IQCM: variants seen among roughly 807,000 people sequenced by gnomAD.
The protein encoded by IQCM is IQ domain-containing protein M.
In IQCM, 45 loss-of-function variants were observed where a neutral mutation model predicts 57.6. The observed-to-expected ratio is 0.78, with a 90% CI of 0.62 to 1.00. IQCM has a LOEUF of 1.00. Among genes scored for constraint, IQCM ranks in the 50% least tolerant of loss-of-function variants. The probability of loss-of-function intolerance (pLI) is 0.00; values close to 1 mark genes in which losing one functional copy is unlikely to be tolerated. For synonymous variants in IQCM, 148 were observed against 158.9 expected, an observed-to-expected ratio of 0.93 and a Z score of 0.51; for missense variants, 468 against 511.6, an observed-to-expected ratio of 0.91 and a Z score of 0.82.
chr4:149,426,965 C>T (rs368861864), intron 13 of IQCM, among the ~76,000 whole-genome samples: 1 of 151,940 alleles, frequency 6.6e-6, no homozygotes, highest in Non-Finnish European at 1.5e-5. Context: ...GCCTGCTTTG[C>T]TCAGAGACCA....
intron 12 of IQCM, among the ~76,000 whole-genome samples, chr4:149,435,954 G>C (rs1735324644): frequency 6.6e-6 from 1 of 152,030 alleles, no homozygotes; most frequent in African/African-American, 2.4e-5. Context: ...AGTTTATAAG[G>C]TAAAATATAA....
At chr4:149,813,056 T>A (rs1228569770) in intron 2 of IQCM, among the ~76,000 whole-genome samples, 2 of 152,170 alleles carry the variant, frequency 1.3e-5, no homozygotes, top group Non-Finnish European at 2.9e-5. Context: ...ACATTTTGTC[T>A]TAATATTCAA....
Position 149,502,151 on chromosome 4 carries a change from TAC to T in IQCM, c.1228+46302_1228+46303del, listed in dbSNP as rs1553983015. ...ATAATTTTTTATAATTATATATATA[TAC>T]ACACACACACACACACACATATATA... On this transcript the variant is annotated intron_variant, in intron 12 of 13. Transcript: ENST00000636793. 5.0e-4 allele frequency among the ~76,000 whole-genome samples: 74 copies of T among 149,460 alleles called. No homozygotes were observed. In the East Asian group the frequency reaches 5.7e-3, roughly 11 times the overall value.
intron 12 of IQCM, among the ~76,000 whole-genome samples, chr4:149,502,957 T>G (rs1475714189): frequency 2.0e-5 from 3 of 151,854 alleles, no homozygotes; most frequent in Non-Finnish European, 2.9e-5. Flanking sequence ...CCGGGCACGG[T>G]GGCTCATGCC....
chr4:149,364,196 G>A (rs1460330102), intron 13 of IQCM, among the ~76,000 whole-genome samples: 3 of 152,120 alleles, frequency 2.0e-5, no homozygotes, highest in Non-Finnish European at 4.4e-5. Flanking sequence ...CCTCACACTG[G>A]AGGAATAGAA....
chr4:149,429,474 AAT>A (rs1734674875), intron 13 of IQCM, among the ~76,000 whole-genome samples: 2 of 151,896 alleles, frequency 1.3e-5, no homozygotes, highest in Non-Finnish European at 2.9e-5. Context: ...TACTCTAGGA[AAT>A]ATGGGATATA....
At chr4:149,612,047 G>A (rs1489230729) in intron 8 of IQCM, among the ~76,000 whole-genome samples, 1 of 151,816 alleles carries the variant, frequency 6.6e-6, no homozygotes, top group Non-Finnish European at 1.5e-5. Flanking sequence ...TACAATCATG[G>A]TGGAAGGTGA....
chr4:149,449,172 C>T (rs1382593009), intron 12 of IQCM, among the ~76,000 whole-genome samples: 2 of 128,816 alleles, frequency 1.6e-5, no homozygotes, highest in African/African-American at 2.8e-5. Flanking sequence ...CCAACTGTTC[C>T]CCCCCAACCC....
chr4:149,368,655 T>C (rs1365914149), intron 13 of IQCM, among the ~76,000 whole-genome samples: 5 of 150,084 alleles, frequency 3.3e-5, no homozygotes, highest in Admixed American at 6.7e-5. Context: ...CTCATCATAT[T>C]TCTTTTTTTG....
chr4:149,517,609 T>C (rs1014231224), intron 12 of IQCM, among the ~76,000 whole-genome samples: 8 of 152,150 alleles, frequency 5.3e-5, no homozygotes, highest in Non-Finnish European at 2.9e-5. Flanking sequence ...TGAAGGATGC[T>C]AAGTATTGAT....
intron 13 of IQCM, among the ~76,000 whole-genome samples, chr4:149,417,841 G>A (rs1160041847): frequency 6.8e-6 from 1 of 147,690 alleles, no homozygotes; most frequent in East Asian, 2.0e-4. Flanking sequence ...TTTTTGGAAG[G>A]CACTTTGAAG....
At chr4:149,600,870 A>G (rs1754211667) in intron 8 of IQCM, among the ~76,000 whole-genome samples, 1 of 152,206 alleles carries the variant, frequency 6.6e-6, no homozygotes, top group Non-Finnish European at 1.5e-5. Context: ...CCAAATACCT[A>G]GAAAATTTTT....
chr4:149,722,696 A>G (rs530207949), intron 5 of IQCM, among the ~76,000 whole-genome samples: 261 of 151,894 alleles, frequency 1.7e-3, no homozygotes, highest in African/African-American at 5.2e-3. Context: ...CTATAGCTTT[A>G]TGGTATTATT....
intron 13 of IQCM, among the ~76,000 whole-genome samples, chr4:149,427,400 A>G (rs573803148): frequency 6.6e-6 from 1 of 151,932 alleles, no homozygotes; most frequent in Non-Finnish European, 1.5e-5. Context: ...TACAACTCAC[A>G]TTTTCTTTAT....
At chr4:149,499,916 G>T (rs143608983) in intron 12 of IQCM, among the ~76,000 whole-genome samples, 1 of 152,122 alleles carries the variant, frequency 6.6e-6, no homozygotes, top group Non-Finnish European at 1.5e-5. Flanking sequence ...TCAAGACTAC[G>T]CAAGTTCTTG....
chr4:149,582,035 G>A (rs1178248793), intron 9 of IQCM, among the ~76,000 whole-genome samples: 1 of 151,042 alleles, frequency 6.6e-6, no homozygotes, highest in Non-Finnish European at 1.5e-5. Context: ...ATACAACACC[G>A]CCATTTTGGT....
Position 149,412,511 on chromosome 4 carries a change from T to C in IQCM, c.1390+20885A>G, listed in dbSNP as rs142292512. Among the ~76,000 whole-genome samples the C allele has an allele frequency of 2.0e-5, 3 of 152,288 alleles. No homozygotes were observed. In the East Asian group the frequency reaches 5.8e-4, roughly 29 times the overall value. On this transcript the variant is annotated intron_variant, in intron 13 of 13. Coordinates refer to ENST00000636793, the MANE Select transcript of IQCM (RefSeq NM_001363507.2). The stretch of plus-strand genomic sequence containing the variant: ...GTTATAAGCAGTAGTAGTACCTCTG[T>C]AGTACAATCTCACATTTCTTCTACT...
At chr4:149,504,611 G>T (rs1743596878) in intron 12 of IQCM, among the ~76,000 whole-genome samples, 2 of 152,090 alleles carry the variant, frequency 1.3e-5, no homozygotes, top group Non-Finnish European at 2.9e-5. Flanking sequence ...TGAGATTAGT[G>T]CTTTTACAAA....
intron 8 of IQCM, among the ~76,000 whole-genome samples, chr4:149,602,507 G>A (rs558878754): frequency 2.8e-4 from 42 of 152,010 alleles, no homozygotes; most frequent in African/African-American, 8.0e-4. Context: ...AAATGTCCAC[G>A]GCCAAATTTA....
Sources: allele counts gnomAD v4.1 joint callset (sites outside exome capture counted in the v4.1 genomes callset), GRCh38; gene constraint gnomAD v4.1.1; transcripts MANE v1.5; gene names NCBI Gene and HGNC (gene_info 2026-07-23, HGNC 2026-07-21).